The following GATA3 variants were observed in gnomAD, a reference collection of about 807,000 sequenced individuals.
GATA3 encodes trans-acting T-cell-specific transcription factor GATA-3.
Under a neutral mutation model 36.0 loss-of-function variants are expected in GATA3, and 6 were observed. That is an observed-to-expected ratio of 0.17 (90% CI 0.09 to 0.33). The LOEUF (loss-of-function observed/expected upper bound fraction) is 0.33, where lower values mean the gene tolerates loss of function less well. Among genes scored for constraint, GATA3 ranks in the 10% least tolerant of loss-of-function variants. GATA3 has a pLI of 1.00. For missense variants in GATA3, 514 were observed against 610.1 expected (o/e 0.84, Z 1.66); for synonymous variants, 326 against 273.0 (o/e 1.19, Z -1.92).
rs1224196130 is a variant in GATA3, at chr10:8,058,474, GTCC to G, written c.419_421del (p.Ser140del). ...CCCTCTCCGTCTACCCCCCGGCCTC[GTCC>G]TCCTCCTTGTCGGGGGGCCACGCCA... is the stretch of plus-strand genomic sequence containing the variant. On this transcript the variant is annotated inframe_deletion, in exon 3 of 6. Coordinates refer to ENST00000379328, the MANE Select transcript of GATA3 (RefSeq NM_001002295.2). 6.2e-7 allele frequency: 1 copy of G among 1,612,468 alleles called. No homozygotes were observed. Among genetic ancestry groups the G allele is most frequent in the African/African-American group, 1.3e-5 (1 of 75,002 alleles).
intron 4 of GATA3, among the ~76,000 whole-genome samples, chr10:8,065,711 T>C (rs975926117): frequency 1.1e-4 from 16 of 143,280 alleles, no homozygotes; most frequent in African/African-American, 3.9e-4. Flanking sequence ...TTTTTTTTTT[T>C]TTTTTTTTTT....
chr10:8,045,652 T>A (rs779328653), intron 1 of GATA3: 1 of 152,238 alleles, frequency 6.6e-6, no homozygotes, highest in African/African-American at 2.4e-5. Flanking sequence ...CCAGTTCTTA[T>A]TGTTCTTTTT....
intron 4 of GATA3, 89 bp from the exon 5 acceptor site, chr10:8,069,382 CTT>C (rs35348503): frequency 4.5e-3 from 4,584 of 1,024,450 alleles, no homozygotes; most frequent in Non-Finnish European, 5.1e-3. Flanking sequence ...TTCTTCCTTC[CTT>C]TTTTTTTTTT....
At chr10:8,046,176 C>T (rs1832384612) in intron 1 of GATA3, among the ~76,000 whole-genome samples, 1 of 152,224 alleles carries the variant, frequency 6.6e-6, no homozygotes, top group Non-Finnish European at 1.5e-5. Flanking sequence ...TTGGACTTAA[C>T]TCCCGGGACA....
At chr10:8,070,104 C>A (rs1048481918) in intron 5 of GATA3, among the ~76,000 whole-genome samples, 1 of 152,142 alleles carries the variant, frequency 6.6e-6, no homozygotes, top group Non-Finnish European at 1.5e-5. Flanking sequence ...TGAAATGGAT[C>A]CTCTGTATAA....
upstream of GATA3, among the ~76,000 whole-genome samples, chr10:8,049,189 C>A (rs1832430727): frequency 6.6e-6 from 1 of 152,228 alleles, no homozygotes; most frequent in South Asian, 2.1e-4. Context: ...AAAACGATAG[C>A]TCATTTCACG....
At chr10:8,062,603 G>A (rs1832768407) in intron 3 of GATA3, among the ~76,000 whole-genome samples, 1 of 152,008 alleles carries the variant, frequency 6.6e-6, no homozygotes, top group Non-Finnish European at 1.5e-5. Flanking sequence ...TCCTTTTAGG[G>A]GAATCAAAAT....
At chr10:8,072,353 C>A (rs1200279857) in intron 5 of GATA3, among the ~76,000 whole-genome samples, 1 of 152,122 alleles carries the variant, frequency 6.6e-6, no homozygotes, top group African/African-American at 2.4e-5. Context: ...ATGCTTTCAG[C>A]CCGGGAAGTC....
chr10:8,049,535 G>C (rs1244182), upstream of GATA3, among the ~76,000 whole-genome samples: 1,338 of 152,236 alleles, frequency 8.8e-3, 19 homozygotes, highest in African/African-American at 0.03. Flanking sequence ...TGCGCGGTCC[G>C]GGGCGCCCTG....
Position 8,073,739 on chromosome 10 carries a change from A to G in GATA3, c.1051A>G (p.Ile351Val). Reference sequence around the variant, plus strand: ...AAAAAAAAAATTGATCTTTGTTTAGATTAACAGACCCCTGACTATGAAGAA... The same window carrying G: ...AAAAAAAAAATTGATCTTTGTTTAGGTTAACAGACCCCTGACTATGAAGAA... Reference protein sequence around the residue: ...ACGLYYKLHNINRPLTMKKEG... With the variant: ...ACGLYYKLHNVNRPLTMKKEG... Residue 351 changes from isoleucine to valine, a missense_variant and splice_region_variant, in exon 6 of 6, where the codon ATT (isoleucine) becomes GTT (valine). Physicochemically the swap from Ile to Val is conservative, Grantham distance 29. This residue lies in a region of GATA3 where 44 missense variants were observed against 151.5 expected (regional missense o/e 0.29). Coordinates refer to ENST00000379328, the MANE Select transcript of GATA3 (RefSeq NM_001002295.2). The G allele has an allele frequency of 6.2e-7, 1 of 1,611,998 alleles. No individual in the cohort carries two copies. The highest frequency in any genetic ancestry group is 8.5e-7 in the Non-Finnish European group (1 of 1,179,096).
chr10:8,053,951 T>G (rs1588372279), upstream of GATA3, among the ~76,000 whole-genome samples: 1 of 152,070 alleles, frequency 6.6e-6, no homozygotes, highest in African/African-American at 2.4e-5. This position sits in a 1 kb window ranked among gnomAD's most constrained non-coding sequence, Gnocchi z 5.1. Flanking sequence ...AAGCACACAT[T>G]GATTACAAAT....
At position 8,058,662 on chromosome 10, in the gene GATA3, A is replaced by C. The variant is rs751641141; in HGVS notation, c.599A>C (p.His200Pro). ...GACAGCATGAAGCTGGAGTCGTCCC[A>C]CTCCCGTGGCAGCATGACCGCCCTG... ...LPDSMKLESS[H>P]SRGSMTALGG... Residue 200 changes from histidine (H) to proline (P), a missense_variant, in exon 3 of 6, where the codon CAC (histidine) becomes CCC (proline). Coordinates refer to ENST00000379328, the MANE Select transcript of GATA3 (RefSeq NM_001002295.2). 1.2e-6 allele frequency: 2 copies of C among 1,612,394 alleles called. No homozygotes were observed. The highest frequency in any genetic ancestry group is 2.2e-5 in the South Asian group (2 of 91,040).
At chr10:8,061,420 G>C (rs1832746974) in intron 3 of GATA3, among the ~76,000 whole-genome samples, 1 of 152,146 alleles carries the variant, frequency 6.6e-6, no homozygotes, top group Non-Finnish European at 1.5e-5. Context: ...AGAGGCATTT[G>C]CCAGCAGCTG....
At chr10:8,061,929 G>A (rs1588381714) in intron 3 of GATA3, among the ~76,000 whole-genome samples, 1 of 152,234 alleles carries the variant, frequency 6.6e-6, no homozygotes, top group Admixed American at 6.5e-5. Context: ...GCCCGAGGGG[G>A]TCCCCTGTCT....
chr10:8,046,647 CAGTGTG>C (rs762181739), intron 1 of GATA3, among the ~76,000 whole-genome samples: 12 of 94,058 alleles, frequency 1.3e-4, no homozygotes, highest in East Asian at 9.0e-4. Flanking sequence ...AAATGGCTGG[CAGTGTG>C]TGTGTGTGTG....
chr10:8,062,767 G>A (rs1208283584), intron 3 of GATA3, among the ~76,000 whole-genome samples: 1 of 152,090 alleles, frequency 6.6e-6, no homozygotes, highest in Non-Finnish European at 1.5e-5. Context: ...CCCTCTCTGG[G>A]GGACCAACTT....
At chr10:8,072,452 G>A (rs755362783) in intron 5 of GATA3, among the ~76,000 whole-genome samples, 8 of 152,146 alleles carry the variant, frequency 5.3e-5, no homozygotes, top group African/African-American at 1.2e-4. Context: ...TTGCTCTTCC[G>A]GGCAGATGTC....
At chr10:8,052,399 CCA>C (rs1832519302), upstream of GATA3, 1 of 152,264 alleles carries the variant, frequency 6.6e-6, no homozygotes, top group South Asian at 2.1e-4. Flanking sequence ...GGCCTCCTCA[CCA>C]GTCTTTTCTT....
chr10:8,068,724 G>T (rs572404834), intron 4 of GATA3, among the ~76,000 whole-genome samples: 31 of 152,210 alleles, frequency 2.0e-4, no homozygotes, highest in Non-Finnish European at 4.1e-4. Context: ...CTGCACTCCA[G>T]CCTGGGTGAC....
Sources: allele counts gnomAD v4.1 joint callset (sites outside exome capture counted in the v4.1 genomes callset), GRCh38; gene constraint gnomAD v4.1.1; regional missense constraint gnomAD v4.1.1; non-coding constraint Gnocchi (gnomAD v3.1); transcripts MANE v1.5; gene names NCBI Gene and HGNC (gene_info 2026-07-23, HGNC 2026-07-21).